PLPP2: variants seen among roughly 807,000 people sequenced by gnomAD.
The protein encoded by PLPP2 is PAP2-gamma.
A neutral mutation model predicts 35.2 loss-of-function variants in PLPP2; 29 were observed. The observed-to-expected ratio is 0.82, with a 90% CI of 0.61 to 1.12. The LOEUF (loss-of-function observed/expected upper bound fraction) is 1.12, where lower values mean the gene tolerates loss of function less well. Among genes scored for constraint, PLPP2 ranks in the 50% most tolerant of loss-of-function variants. The pLI is 0.00. For synonymous variants in PLPP2, 162 were observed against 167.0 expected (o/e 0.97, Z 0.23); for missense variants, 353 against 375.2 (o/e 0.94, Z 0.49).
chr19:288,464 T>G (rs1222509354), intron 1 of PLPP2: 2 of 229,066 alleles, frequency 8.7e-6, no homozygotes, highest in Non-Finnish European at 8.5e-6. Flanking sequence ...ATCTTTTTTT[T>G]TTAAATTTTT....
chr19:283,145 G>C (rs970703845), intron 3 of PLPP2: 5 of 249,676 alleles, frequency 2.0e-5, no homozygotes, highest in Non-Finnish European at 3.0e-5. Flanking sequence ...CTGCGGAACT[G>C]AGGGAAGACT....
chr19:283,932 C>CT (rs1224825125), intron 3 of PLPP2: 21 of 152,144 alleles, frequency 1.4e-4, no homozygotes, highest in Admixed American at 1.4e-3. Context: ...AAAATACAGA[C>CT]TTTACAACCA....
intron 1 of PLPP2, among the ~76,000 whole-genome samples, chr19:290,474 G>A (rs1045018089): frequency 6.6e-6 from 1 of 152,206 alleles, no homozygotes; most frequent in Non-Finnish European, 1.5e-5. Context: ...TCCTTCCGGA[G>A]GTAAGAGGAC....
intron 5 of PLPP2, 37 bp from the exon 6 acceptor site, chr19:281,574 C>T (rs1285257746): frequency 2.8e-6 from 4 of 1,434,270 alleles, no homozygotes; most frequent in Middle Eastern, 1.9e-4. Flanking sequence ...GGGCAGGGGG[C>T]TGTCCAGGTA....
chr19:288,808 G>A (rs531500514), intron 1 of PLPP2, among the ~76,000 whole-genome samples: 4 of 152,314 alleles, frequency 2.6e-5, no homozygotes, highest in Admixed American at 2.6e-4. Flanking sequence ...CCGGCACCAG[G>A]AGGGGCCTAC....
intron 1 of PLPP2, chr19:288,373 A>C (rs1230779406): frequency 2.2e-6 from 1 of 446,724 alleles, no homozygotes; most frequent in Non-Finnish European, 3.9e-6. Flanking sequence ...TGCCCCTCAC[A>C]TCCTGGCAGC....
In PLPP2 at chr19:281,491, C is replaced by G. The variant is rs768617078; in HGVS notation, c.764G>C (p.Cys255Ser). ...DFFKARPPQH[C>S]LKEEELERKP... The stretch of plus-strand genomic sequence containing the variant: ...CCGTTCCAGCTCCTCCTCCTTCAGA[C>G]AGTGCTGTGGGGGTCGGGCTTTGAA... The change falls in exon 6 of 6, where the codon TGT (cysteine) becomes TCT (serine). Residue 255 changes from cysteine to serine, a missense_variant. By Grantham distance (112) the Cys-to-Ser change is moderately radical. Transcript: ENST00000434325. 3 of 1,553,386 alleles carry G rather than the reference C, an allele frequency of 1.9e-6. No individual in the cohort carries two copies. In the South Asian group the frequency reaches 3.7e-5, roughly 19 times the overall value.
In PLPP2 at chr19:282,280, A is replaced by C; in HGVS notation, c.571T>G (p.Trp191Gly). The C allele has an allele frequency of 1.2e-6, 2 of 1,613,818 alleles. No individual in the cohort carries two copies. Among genetic ancestry groups the C allele is most frequent in the Non-Finnish European group, 1.7e-6 (2 of 1,179,862 alleles). Residue 191 changes from tryptophan (W) to glycine (G), a missense_variant, in exon 5 of 6, where the codon TGG (tryptophan) becomes GGG (glycine). By Grantham distance (184) the Trp-to-Gly change is radical. Transcript: ENST00000434325. ...LYVQARLCWK[W>G]ARLLRPTVQF... ...ACTGTGGGTCGCAGCAGCCGTGCCC[A>C]CTTCCAACAGAGTCGTGCCTGCACA...
intron 1 of PLPP2, among the ~76,000 whole-genome samples, chr19:290,108 C>T (rs111492070): frequency 1.4e-4 from 22 of 152,142 alleles, no homozygotes; most frequent in African/African-American, 5.1e-4. Flanking sequence ...CTCACACTGC[C>T]CTCATGCCAG....
chr19:289,526 T>C (rs759457161), intron 1 of PLPP2, among the ~76,000 whole-genome samples: 4 of 151,860 alleles, frequency 2.6e-5, no homozygotes, highest in Admixed American at 6.6e-5. Flanking sequence ...CCATCCTGGC[T>C]AACACGGTGA....
intron 1 of PLPP2, chr19:290,865 G>A (rs991111646): frequency 2.8e-6 from 3 of 1,078,856 alleles, no homozygotes; most frequent in African/African-American, 1.6e-5. Flanking sequence ...CGCGCGCAGC[G>A]GGAGCGCCCA....
chr19:287,659 C>T lies in PLPP2; in HGVS notation c.297G>A (p.Leu99=), dbSNP rs375236967. ...CGGCAGCCCCAAACAGGAAGGTCCC[C>T]AGCACCTTGTATACAGCAGCCACGT... ...NNYVAAVYKV[L]GTFLFGAAVS... is the part of the protein sequence containing the mutation. The change falls in exon 3 of 6, where the codon CTG becomes CTA. Residue 99 remains leucine (L), a synonymous_variant. Coordinates refer to ENST00000434325, the MANE Select transcript of PLPP2 (RefSeq NM_003712.4). The surrounding 1 kb of genome is among the most constrained non-coding windows in gnomAD (Gnocchi z 4.3). 5.0e-6 allele frequency: 8 copies of T among 1,613,848 alleles called. No homozygotes were observed. Among genetic ancestry groups the T allele is most frequent in the African/African-American group, 1.3e-5 (1 of 74,928 alleles).
intron 3 of PLPP2, chr19:283,596 A>C (rs1970219060): frequency 1.3e-5 from 2 of 152,218 alleles, no homozygotes; most frequent in South Asian, 4.1e-4. Context: ...AGACTAACCA[A>C]ACAGGCCAGG....
chr19:289,364 A>T (rs927927606), intron 1 of PLPP2, among the ~76,000 whole-genome samples: 2 of 152,176 alleles, frequency 1.3e-5, no homozygotes, highest in Non-Finnish European at 2.9e-5. Flanking sequence ...ATGCTGGCTA[A>T]GTCTGGGGAA....
At chr19:282,038 G>C (rs1970183513) in intron 5 of PLPP2, 96 bp downstream of exon 5, 2 of 1,382,048 alleles carry the variant, frequency 1.4e-6, no homozygotes, top group East Asian at 4.7e-5. Flanking sequence ...CCCAAGGAAG[G>C]ACTCAGTGGG....
In PLPP2 at chr19:282,212, G is replaced by T. The variant is rs1970187567; in HGVS notation, c.639C>A (p.Thr213=). 3 of 1,613,894 alleles carry T rather than the reference G, an allele frequency of 1.9e-6. No homozygotes were observed. The highest frequency in any genetic ancestry group is 2.5e-6 in the Non-Finnish European group (3 of 1,179,890). ...AGTGGTGTTTGTAATCAGACACGCG[G>T]GTGTAGCCCACGTAGAGGGCAAAGG... ...LVAFALYVGY[T]RVSDYKHHWS... is the part of the protein sequence containing the mutation. The change falls in exon 5 of 6, where the codon ACC becomes ACA. Residue 213 remains threonine (T), a synonymous_variant. Coordinates refer to ENST00000434325, the MANE Select transcript of PLPP2 (RefSeq NM_003712.4).
chr19:290,551 T>C (rs1432212348), intron 1 of PLPP2, among the ~76,000 whole-genome samples: 1 of 152,030 alleles, frequency 6.6e-6, no homozygotes. Context: ...CCCCCAGAGA[T>C]AGAATTCCAG....
intron 5 of PLPP2, 122 bp from the exon 6 acceptor site, chr19:281,659 AGAG>A (rs1970176139): frequency 1.1e-6 from 1 of 940,708 alleles, no homozygotes; most frequent in African/African-American, 1.7e-5. Flanking sequence ...GTGGGAAATG[AGAG>A]GAGTAGTGCC....
At position 291,402 on chromosome 19, in the gene PLPP2, A is replaced by G; in HGVS notation, c.-66T>C. On this transcript the variant is annotated 5_prime_UTR_variant, in exon 1 of 6. Transcript: ENST00000434325. ...CGCGTCCCGGCCCGGCCGCGGAGTCACGTGGCGCGGAGCCCGCCCCGCGCG... is the reference window on the plus strand; with the variant it reads ...CGCGTCCCGGCCCGGCCGCGGAGTCGCGTGGCGCGGAGCCCGCCCCGCGCG... 7.3e-7 allele frequency: 1 copy of G among 1,366,726 alleles called. No homozygotes were observed. The highest frequency in any genetic ancestry group is 1.3e-5 in the South Asian group (1 of 79,166). 84.7% of individuals were successfully genotyped at this position (1,366,726 alleles called of 1,614,324 possible).
Sources: allele counts gnomAD v4.1 joint callset (sites outside exome capture counted in the v4.1 genomes callset), GRCh38; gene constraint gnomAD v4.1.1; non-coding constraint Gnocchi (gnomAD v3.1); transcripts MANE v1.5; gene names NCBI Gene and HGNC (gene_info 2026-07-23, HGNC 2026-07-21).